PIAS4: variants seen among roughly 807,000 people sequenced by gnomAD.
PIAS4 encodes the protein protein inhibitor of activated STAT 4, also known as E3 SUMO-protein ligase PIAS4.
Under a neutral mutation model 58.0 loss-of-function variants are expected in PIAS4, and 7 were observed. The observed-to-expected ratio is 0.12, with a 90% CI of 0.07 to 0.23. The LOEUF (loss-of-function observed/expected upper bound fraction) is 0.23. Among genes scored for constraint, PIAS4 ranks in the 10% least tolerant of loss-of-function variants. PIAS4 has a pLI of 1.00. For missense variants in PIAS4, 550 were observed against 709.5 expected (o/e 0.78, Z 2.55); for synonymous variants, 364 against 312.4 (o/e 1.17, Z -1.74).
At chr19:4,025,776 T>C (rs575434392) in intron 3 of PIAS4, among the ~76,000 whole-genome samples, 1 of 152,106 alleles carries the variant, frequency 6.6e-6, no homozygotes, top group South Asian at 2.1e-4. Flanking sequence ...CCACACAGTA[T>C]AAAAAAATCA....
intron 2 of PIAS4, among the ~76,000 whole-genome samples, chr19:4,015,692 G>A (rs1284711148): frequency 6.6e-6 from 1 of 152,136 alleles, no homozygotes; most frequent in Non-Finnish European, 1.5e-5. Flanking sequence ...TGCACTCTGT[G>A]GTGCTGGCCT....
In PIAS4 at chr19:4,038,392, C is replaced by G. The variant is rs1048857834; in HGVS notation, c.*517C>G. Reference sequence around the variant, plus strand: ...TCCTCGCCCAGAGACCCTCACGCGCCGAGCAGCGAGCGTTTTAGCCGAGAA... The same window carrying G: ...TCCTCGCCCAGAGACCCTCACGCGCGGAGCAGCGAGCGTTTTAGCCGAGAA... On this transcript the variant is annotated 3_prime_UTR_variant, in exon 11 of 11. Transcript: ENST00000262971. This position sits in a 1 kb window ranked among gnomAD's most constrained non-coding sequence, Gnocchi z 4.1. The G allele has an allele frequency of 7.0e-6, 1 of 142,378 alleles. No homozygotes were observed. The highest frequency in any genetic ancestry group is 1.5e-5 in the Non-Finnish European group (1 of 66,306). The allele number at this position is 142,378 out of a possible 1,614,324, so 8.8% of individuals were successfully genotyped here. A position where few individuals can be genotyped will look rare whatever the true frequency, so the allele number is the denominator to read the frequency against.
chr19:4,020,872 G>T (rs74581241), intron 2 of PIAS4, among the ~76,000 whole-genome samples: 2,117 of 152,326 alleles, frequency 0.014, 50 homozygotes, highest in African/African-American at 0.049. Context: ...AAGGGTTGGG[G>T]TTACAGGCAT....
intron 3 of PIAS4, among the ~76,000 whole-genome samples, chr19:4,027,707 G>A (rs2040181071): frequency 1.3e-5 from 2 of 151,678 alleles, no homozygotes; most frequent in Non-Finnish European, 2.9e-5. Context: ...CCACAGGTGT[G>A]CACCACCACG....
chr19:4,013,129 C>G lies in PIAS4; in HGVS notation c.234C>G (p.His78Gln), dbSNP rs1227290825. Residue 78 changes from histidine to glutamine, a missense_variant, in exon 2 of 11, where the codon CAC (histidine) becomes CAG (glutamine). His to Gln is a conservative substitution (Grantham distance 24). Around this residue, in one of 4 missense-constraint regions of PIAS4, gnomAD observed 95 missense variants for 87.5 expected, o/e 1.09. Coordinates refer to ENST00000262971, the MANE Select transcript of PIAS4 (RefSeq NM_015897.4). The surrounding 1 kb of genome is among the most constrained non-coding windows in gnomAD (Gnocchi z 5.1). ...KKNSEPAPQP[H>Q]RPLDPLTMHS... is the part of the protein sequence containing the mutation. ...ACTCGGAGCCTGCCCCACAGCCGCA[C>G]CGGCCCCTGGACCCCCTGACCATGC... 5.0e-6 allele frequency: 8 copies of G among 1,613,316 alleles called. No individual in the cohort carries two copies. The highest frequency in any genetic ancestry group is 6.8e-6 in the Non-Finnish European group (8 of 1,180,026).
chr19:4,023,721 C>G (rs2040133708), intron 2 of PIAS4, among the ~76,000 whole-genome samples: 1 of 152,200 alleles, frequency 6.6e-6, no homozygotes, highest in South Asian at 2.1e-4. Flanking sequence ...GGGTCCAGCT[C>G]TCCCCGCCAG....
intron 2 of PIAS4, among the ~76,000 whole-genome samples, chr19:4,015,731 G>T (rs1341044820): frequency 2.6e-5 from 4 of 152,208 alleles, no homozygotes; most frequent in Non-Finnish European, 5.9e-5. Context: ...GGAGGACCCA[G>T]TTCCACCGGC....
intron 1 of PIAS4, among the ~76,000 whole-genome samples, chr19:4,008,101 G>C (rs1468742834): frequency 2.0e-5 from 3 of 151,896 alleles, no homozygotes; most frequent in Non-Finnish European, 4.4e-5. Flanking sequence ...CGCGCCTCCC[G>C]GTTGAGGCAC....
At chr19:4,014,226 C>T (rs571631027) in intron 2 of PIAS4, among the ~76,000 whole-genome samples, 1 of 152,164 alleles carries the variant, frequency 6.6e-6, no homozygotes, top group Admixed American at 6.5e-5. Flanking sequence ...TCTTTGTCTG[C>T]AAGCACTGAC....
chr19:4,028,093 CCCT>C, intron 3 of PIAS4, 50 bp from the exon 4 acceptor site: 1 of 1,574,926 alleles, frequency 6.3e-7, no homozygotes, highest in Non-Finnish European at 8.7e-7. Context: ...TGGGGTCACG[CCCT>C]CCTCACTCAG....
intron 2 of PIAS4, among the ~76,000 whole-genome samples, chr19:4,017,094 C>T (rs2040059967): frequency 6.6e-6 from 1 of 152,180 alleles, no homozygotes; most frequent in Non-Finnish European, 1.5e-5. Flanking sequence ...CGTCCTGTGT[C>T]ACTGTCCCAC....
At position 4,037,257 on chromosome 19, in the gene PIAS4, C is replaced by T; in HGVS notation, c.1143-117C>T. 7.6e-7 allele frequency: 1 copy of T among 1,322,518 alleles called. No individual in the cohort carries two copies. The highest frequency in any genetic ancestry group is 1.0e-6 in the Non-Finnish European group (1 of 982,560). The allele number at this position is 1,322,518 out of a possible 1,614,324, so 81.9% of individuals were successfully genotyped here. A position where few individuals can be genotyped will look rare whatever the true frequency, so the allele number is the denominator to read the frequency against. On this transcript the variant is annotated intron_variant, in intron 9 of 10. Coordinates refer to ENST00000262971, the MANE Select transcript of PIAS4 (RefSeq NM_015897.4). The surrounding 1 kb of genome is among the most constrained non-coding windows in gnomAD (Gnocchi z 5.8). ...GACCCCTGCGGTCGGGGTGGTGAGGCTGCTCTTGCAGAGAGAAGTGGGGAG... is the reference window on the plus strand; with the variant it reads ...GACCCCTGCGGTCGGGGTGGTGAGGTTGCTCTTGCAGAGAGAAGTGGGGAG...
chr19:4,037,339 T>G lies in PIAS4; in HGVS notation c.1143-35T>G. ...TGGGGAGTTGGGGGGGTGGGGCACC[T>G]CCAGCCCCGGCGTCAGCTGTCCGCC... On this transcript the variant is annotated intron_variant, in intron 9 of 10. Coordinates refer to ENST00000262971, the MANE Select transcript of PIAS4 (RefSeq NM_015897.4). The surrounding 1 kb of genome is among the most constrained non-coding windows in gnomAD (Gnocchi z 5.8). 1 of 1,578,212 alleles carries G rather than the reference T, an allele frequency of 6.3e-7. No individual in the cohort carries two copies. Among genetic ancestry groups the G allele is most frequent in the Non-Finnish European group, 8.6e-7 (1 of 1,159,920 alleles).
At chr19:4,030,738 A>G (rs1394033393) in intron 7 of PIAS4, among the ~76,000 whole-genome samples, 1 of 152,150 alleles carries the variant, frequency 6.6e-6, no homozygotes, top group Non-Finnish European at 1.5e-5. Context: ...GGCCTCAGAA[A>G]GTCGCTGGCC....
intron 1 of PIAS4, among the ~76,000 whole-genome samples, chr19:4,008,390 C>G (rs775961371): frequency 2.0e-5 from 3 of 152,072 alleles, no homozygotes; most frequent in South Asian, 4.1e-4. Context: ...ACGGCACGTC[C>G]TCTTGGGGTC....
At chr19:4,019,515 A>G (rs773784128) in intron 2 of PIAS4, among the ~76,000 whole-genome samples, 4 of 151,992 alleles carry the variant, frequency 2.6e-5, no homozygotes, top group Non-Finnish European at 5.9e-5. Flanking sequence ...CTTCTGAGAC[A>G]CTGAGGGGTG....
Position 4,024,064 on chromosome 19 carries a change from G to C in PIAS4, c.483G>C (p.Glu161Asp). The C allele has an allele frequency of 1.2e-6, 2 of 1,614,028 alleles. No individual in the cohort carries two copies. The highest frequency in any genetic ancestry group is 1.7e-6 in the Non-Finnish European group (2 of 1,179,912). The change falls in exon 3 of 11, where the codon GAG becomes GAC. Residue 161 changes from glutamate to aspartate, a missense_variant. Glu to Asp is a conservative substitution (Grantham distance 45). This residue lies in a region of PIAS4 where 225 missense variants were observed against 345.8 expected (regional missense o/e 0.65). Coordinates refer to ENST00000262971, the MANE Select transcript of PIAS4 (RefSeq NM_015897.4). ...LVPQNNEKLQ[E>D]SPCIFALTPR... ...CACAGAACAACGAGAAGCTTCAGGA[G>C]AGCCCGTGCATCTTCGCATTGACGC...
intron 2 of PIAS4, among the ~76,000 whole-genome samples, chr19:4,016,846 C>T (rs893639594): frequency 5.9e-5 from 9 of 152,128 alleles, no homozygotes; most frequent in African/African-American, 9.7e-5. Context: ...GACGCAGTAG[C>T]CTGGGCGCGG....
At chr19:4,029,898 C>T (rs1351462347) in intron 7 of PIAS4, among the ~76,000 whole-genome samples, 5 of 139,112 alleles carry the variant, frequency 3.6e-5, no homozygotes, top group African/African-American at 1.3e-4. Context: ...TCTCGGCTCA[C>T]TGAAACCTCT....
Sources: gnomAD v4.1 joint callset for allele counts (sites outside exome capture counted in the v4.1 genomes callset) on GRCh38, gnomAD v4.1.1 for gene constraint, gnomAD v4.1.1 regional missense constraint, Gnocchi (gnomAD v3.1) non-coding constraint, MANE v1.5 for transcripts, NCBI Gene and HGNC (gene_info 2026-07-23, HGNC 2026-07-21) for gene names.